PPP4R4: variants seen among roughly 807,000 people sequenced by gnomAD.
PPP4R4 encodes protein phosphatase 4 regulatory subunit 4, also known as serine/threonine-protein phosphatase 4 regulatory subunit 4.
Under a neutral mutation model 121.8 loss-of-function variants are expected in PPP4R4, and 70 were observed. The observed-to-expected ratio is 0.57, with a 90% CI of 0.47 to 0.70. PPP4R4 has a LOEUF of 0.70. PPP4R4 is among the 30% of genes least tolerant of loss of function. The pLI is 0.00. For missense variants in PPP4R4, 875 were observed against 1,033.6 expected (o/e 0.85, Z 2.10); for synonymous variants, 348 against 355.7 (o/e 0.98, Z 0.24).
rs577271462 is a variant in PPP4R4 at position 94,206,679 on chromosome 14, G to A, written c.192-1785G>A. Reference sequence around the variant, plus strand: ...TTCCTGACATCTGTTCATCTAGTTAGCCATCTATTCATTCATGTTTTCAAG... The same window carrying A: ...TTCCTGACATCTGTTCATCTAGTTAACCATCTATTCATTCATGTTTTCAAG... On this transcript the variant is annotated intron_variant, in intron 2 of 24. Coordinates refer to ENST00000304338, the MANE Select transcript of PPP4R4 (RefSeq NM_058237.2). 3.3e-5 allele frequency among the ~76,000 whole-genome samples: 5 copies of A among 151,782 alleles called. No individual in the cohort carries two copies. The South Asian group carries it at 8.3e-4, about 25-fold the overall frequency.
intron 14 of PPP4R4, among the ~76,000 whole-genome samples, chr14:94,247,544 G>A (rs1001804644): frequency 3.3e-5 from 5 of 152,206 alleles, no homozygotes; most frequent in Non-Finnish European, 5.9e-5. Context: ...AGGAGGAAGT[G>A]TTCCTGTTTA....
chr14:94,237,618 A>T lies in PPP4R4; in HGVS notation c.785A>T (p.Asp262Val). 6.2e-7 allele frequency: 1 copy of T among 1,612,608 alleles called. No homozygotes were observed. The highest frequency in any genetic ancestry group is 8.5e-7 in the Non-Finnish European group (1 of 1,178,582). ...CCTGAATTAATAGAACTTTCTAGGG[A>T]TGAAGGCAGCAGTGTACGACTTGCA... ...VLPELIELSR[D>V]EGSSVRLAAF... The change falls in exon 8 of 25, where the codon GAT (aspartate) becomes GTT (valine). Residue 262 changes from aspartate (D) to valine (V), a missense_variant. By Grantham distance (152) the Asp-to-Val change is radical. Transcript: ENST00000304338.
At chr14:94,261,167 C>A (rs990325660) in intron 19 of PPP4R4, among the ~76,000 whole-genome samples, 2 of 152,056 alleles carry the variant, frequency 1.3e-5, no homozygotes, top group African/African-American at 2.4e-5. Flanking sequence ...TAAGCAATAC[C>A]AAACTGTCTT....
chr14:94,249,694 G>A (rs1893079669), intron 14 of PPP4R4, among the ~76,000 whole-genome samples: 1 of 152,006 alleles, frequency 6.6e-6, no homozygotes, highest in South Asian at 2.1e-4. Context: ...GATTCTAAAT[G>A]TCATCTGTAT....
chr14:94,203,398 G>C (rs1473318479), intron 2 of PPP4R4, among the ~76,000 whole-genome samples: 1 of 151,872 alleles, frequency 6.6e-6, no homozygotes, highest in East Asian at 1.9e-4. Flanking sequence ...TTTTATTGCT[G>C]AGTAGCATTC....
Position 94,234,574 on chromosome 14 carries a change from A to G in PPP4R4, c.636A>G (p.Glu212=). 2 of 1,595,568 alleles carry G rather than the reference A, an allele frequency of 1.3e-6. No individual in the cohort carries two copies. The highest frequency in any genetic ancestry group is 1.7e-6 in the Non-Finnish European group (2 of 1,164,282). ...NKFDAHTIKR[E]ILPLVKSLCQ... is the part of the protein sequence containing the mutation. ...TCCCCACCTTCAGCATTAAGCGAGA[A>G]ATACTTCCTCTGGTAAAATCACTCT... is the stretch of plus-strand genomic sequence containing the variant. Residue 212 remains glutamate, a synonymous_variant, in exon 7 of 25, where the codon GAA becomes GAG. Transcript: ENST00000304338.
intron 3 of PPP4R4, among the ~76,000 whole-genome samples, chr14:94,215,756 T>TA (rs1890987905): frequency 6.6e-6 from 1 of 152,180 alleles, no homozygotes; most frequent in South Asian, 2.1e-4. Context: ...GTTTACAGCT[T>TA]AAAAAATAAA....
At chr14:94,259,918 C>G (rs2139627046) in intron 19 of PPP4R4, among the ~76,000 whole-genome samples, 1 of 152,258 alleles carries the variant, frequency 6.6e-6, no homozygotes, top group Middle Eastern at 3.4e-3. Context: ...GAGTAGTAGT[C>G]TATATTTCGG....
At chr14:94,265,734 G>A in intron 21 of PPP4R4, 60 bp from the exon 22 acceptor site, 1 of 1,225,134 alleles carries the variant, frequency 8.2e-7, no homozygotes, top group South Asian at 1.3e-5. Context: ...GAGGGAATGG[G>A]GGTTGGAGCA....
At chr14:94,254,987 C>T (rs528027064) in intron 16 of PPP4R4, among the ~76,000 whole-genome samples, 14 of 152,278 alleles carry the variant, frequency 9.2e-5, no homozygotes, top group African/African-American at 3.4e-4. Context: ...CTTTGGTGAT[C>T]TCTCCCATTT....
intron 16 of PPP4R4, 144 bp downstream of exon 16, chr14:94,252,040 G>A: frequency 3.1e-6 from 2 of 635,912 alleles, no homozygotes; most frequent in Non-Finnish European, 5.1e-6. Context: ...ATTCATAATT[G>A]ATGGGCATCA....
At position 94,278,774 on chromosome 14, in the gene PPP4R4, A is replaced by G. The variant is rs559716650; in HGVS notation, c.*131A>G. The G allele has an allele frequency of 2.3e-5, 18 of 794,984 alleles. No individual in the cohort carries two copies. The East Asian group carries it at 4.9e-4, about 22-fold the overall frequency. The allele number at this position is 794,984 out of a possible 1,614,324, so 49.2% of individuals were successfully genotyped here. ...TTTTTTTTTGTTGTTGTTAATGAGC[A>G]GAAAGAGAGACATAATGACAGCTGA... On this transcript the variant is annotated 3_prime_UTR_variant, in exon 25 of 25. Coordinates refer to ENST00000304338, the MANE Select transcript of PPP4R4 (RefSeq NM_058237.2).
chr14:94,209,740 T>C (rs957250184), intron 3 of PPP4R4, among the ~76,000 whole-genome samples: 6 of 152,210 alleles, frequency 3.9e-5, no homozygotes, highest in Non-Finnish European at 7.4e-5. Flanking sequence ...AGTTAAACAA[T>C]AGCAGAAAGG....
chr14:94,229,688 T>C (rs10450948), intron 3 of PPP4R4, among the ~76,000 whole-genome samples: 17,811 of 128,944 alleles, frequency 0.14, 1,258 homozygotes, highest in African/African-American at 0.28. Flanking sequence ...ATTCCTAAGA[T>C]CACTGATATG....
intron 2 of PPP4R4, among the ~76,000 whole-genome samples, chr14:94,201,922 A>G (rs1312885729): frequency 6.7e-6 from 1 of 148,778 alleles, no homozygotes; most frequent in African/African-American, 2.5e-5. Context: ...TAGATAAAGA[A>G]AATGTGTGTG....
At chr14:94,243,132 G>A (rs746676842) in intron 11 of PPP4R4, among the ~76,000 whole-genome samples, 1 of 152,248 alleles carries the variant, frequency 6.6e-6, no homozygotes, top group Non-Finnish European at 1.5e-5. Flanking sequence ...ATCTGCAAGT[G>A]TGCAGGATAT....
At chr14:94,179,206 A>C (rs909820277) in intron 2 of PPP4R4, among the ~76,000 whole-genome samples, 12 of 152,222 alleles carry the variant, frequency 7.9e-5, no homozygotes, top group African/African-American at 2.9e-4. Flanking sequence ...GAAACCTTGT[A>C]CTATTAGCAG....
chr14:94,194,572 C>A (rs1373201670), intron 2 of PPP4R4, among the ~76,000 whole-genome samples: 2 of 150,352 alleles, frequency 1.3e-5, no homozygotes, highest in African/African-American at 4.9e-5. Flanking sequence ...TTTTGGGTTT[C>A]TTCTAGTCAG....
intron 23 of PPP4R4, 88 bp from the exon 24 acceptor site, chr14:94,275,286 A>T (rs1894571840): frequency 2.1e-6 from 3 of 1,416,348 alleles, no homozygotes; most frequent in Non-Finnish European, 2.9e-6. Flanking sequence ...AAGGTGAAAA[A>T]GTTAGCTATC....
Sources: gnomAD v4.1 joint callset for allele counts (sites outside exome capture counted in the v4.1 genomes callset) on GRCh38, gnomAD v4.1.1 for gene constraint, MANE v1.5 for transcripts, NCBI Gene and HGNC (gene_info 2026-07-23, HGNC 2026-07-21) for gene names.